DGKH: variants seen among roughly 807,000 people sequenced by gnomAD.
DGKH encodes the protein diacylglycerol kinase eta, also known as DAG kinase eta.
A neutral mutation model predicts 159.3 loss-of-function variants in DGKH; 90 were observed. The observed-to-expected ratio is 0.57, with a 90% CI of 0.48 to 0.67. DGKH has a LOEUF of 0.67. Ranked by LOEUF, DGKH falls within the 30% of genes least tolerant of loss-of-function variation. The pLI, the probability that DGKH is intolerant of heterozygous loss-of-function variation, is 0.00. For synonymous variants in DGKH, 536 were observed against 553.8 expected (o/e 0.97, Z 0.45); for missense variants, 1,181 against 1,506.1 (o/e 0.78, Z 3.57).
intron 3 of DGKH, among the ~76,000 whole-genome samples, chr13:42,141,043 C>A (rs1955542563): frequency 3.8e-4 from 1 of 2,608 alleles, no homozygotes; most frequent in African/African-American, 6.1e-4. Context: ...TAATGCTATC[C>A]CTCCCCCCTC....
At chr13:42,153,179 A>C (rs970467665) in intron 3 of DGKH, among the ~76,000 whole-genome samples, 5 of 152,244 alleles carry the variant, frequency 3.3e-5, no homozygotes, top group Non-Finnish European at 7.3e-5. Flanking sequence ...AGTAGTATAT[A>C]AGTACACATG....
intron 17 of DGKH, 85 bp from the exon 18 acceptor site, chr13:42,198,393 T>C (rs1594191085): frequency 2.6e-6 from 3 of 1,137,324 alleles, no homozygotes; most frequent in East Asian, 4.8e-5. Flanking sequence ...AAAAGTAAGA[T>C]ATTTGATATC....
rs57531279 is a variant in DGKH, at chr13:42,159,244, C to CTT, written c.623-4_623-3dup. On this transcript the variant is annotated intron_variant, in intron 5 of 29. Transcript: ENST00000337343. ...TCTTGTCCACTTAAAAGCAGTTGCT[C>CTT]TTTTTTTTTTTTTTTTTTTAGTGTG... 1,358 of 215,258 alleles carry CTT rather than the reference C, an allele frequency of 6.3e-3. 23 individuals are homozygous for CTT. Among genetic ancestry groups the CTT allele is most frequent in the Middle Eastern group, 0.01 (7 of 668 alleles). The allele number at this position is 215,258 out of a possible 1,614,324, so 13.3% of individuals were successfully genotyped here. A position where few individuals can be genotyped will look rare whatever the true frequency, so the allele number is the denominator to read the frequency against.
chr13:42,160,269 A>G (rs1397907386), intron 7 of DGKH, 133 bp downstream of exon 7: 11 of 1,241,520 alleles, frequency 8.9e-6, no homozygotes, highest in Non-Finnish European at 1.3e-5. Context: ...TCATGATGAC[A>G]TTCTTCTTTC....
chr13:42,047,930 A>C (rs1304022542), upstream of DGKH, among the ~76,000 whole-genome samples: 1 of 151,764 alleles, frequency 6.6e-6, no homozygotes, highest in African/African-American at 2.4e-5. Context: ...GTTTCCTGTT[A>C]GCCGAAGGGG....
At chr13:42,222,956 A>ATC (rs1245622346) in intron 29 of DGKH, among the ~76,000 whole-genome samples, 1 of 152,188 alleles carries the variant, frequency 6.6e-6, no homozygotes, top group African/African-American at 2.4e-5. Flanking sequence ...ATGGTTAAGA[A>ATC]TTATCTTAGA....
At position 42,209,456 on chromosome 13, in the gene DGKH, A is replaced by C; in HGVS notation, c.2841A>C (p.Thr947=). The C allele has an allele frequency of 1.9e-6, 3 of 1,610,782 alleles. No individual in the cohort carries two copies. The highest frequency in any genetic ancestry group is 2.5e-6 in the Non-Finnish European group (3 of 1,178,982). Residue 947 remains threonine (T), a synonymous_variant, in exon 23 of 30, where the codon ACA becomes ACC. Transcript: ENST00000337343. The stretch of plus-strand genomic sequence containing the variant: ...ACAAAAACAGAGCACAAATGCTAAC[A>C]AGGGACAGAGTATGTAACAAAAACA... ...IVHKNRAQML[T]RDRAFESTLK... is the part of the protein sequence containing the mutation.
intron 1 of DGKH, among the ~76,000 whole-genome samples, chr13:42,119,810 C>G (rs1020007001): frequency 2.0e-5 from 3 of 152,018 alleles, no homozygotes; most frequent in Non-Finnish European, 2.9e-5. Context: ...ACTTCATATT[C>G]CTTTCTCATC....
intron 1 of DGKH, among the ~76,000 whole-genome samples, chr13:42,113,257 A>G (rs1432709393): frequency 6.6e-6 from 1 of 152,244 alleles, no homozygotes; most frequent in Non-Finnish European, 1.5e-5. Flanking sequence ...AAAGTGCTGA[A>G]TTATACCTTT....
chr13:42,045,365 C>T (rs148356068), upstream of DGKH, among the ~76,000 whole-genome samples: 41 of 152,164 alleles, frequency 2.7e-4, no homozygotes, highest in East Asian at 6.4e-3. Flanking sequence ...TACTAGTTAG[C>T]GCTGATAAAA....
chr13:42,182,225 T>C (rs1393563396), intron 13 of DGKH, among the ~76,000 whole-genome samples: 4 of 152,252 alleles, frequency 2.6e-5, no homozygotes, highest in Non-Finnish European at 4.4e-5. Context: ...TCAGCATCTC[T>C]AAATTTTATT....
rs1447961966 is a variant in DGKH, at chr13:42,109,395, A to T, written c.193-18068A>T. Among the ~76,000 whole-genome samples the T allele has an allele frequency of 2.0e-5, 3 of 152,310 alleles. No individual in the cohort carries two copies. The East Asian group carries it at 5.8e-4, about 29-fold the overall frequency. On this transcript the variant is annotated intron_variant, in intron 1 of 29. Transcript: ENST00000337343. ...TAGTCAGCCGTGGAGCCAAGGTTTGAACCCAGGCCGTACCTCTGCACCTCT... is the reference window on the plus strand; with the variant it reads ...TAGTCAGCCGTGGAGCCAAGGTTTGTACCCAGGCCGTACCTCTGCACCTCT...
intron 1 of DGKH, among the ~76,000 whole-genome samples, chr13:42,124,986 G>T (rs1955142563): frequency 6.6e-6 from 1 of 152,044 alleles, no homozygotes; most frequent in Non-Finnish European, 1.5e-5. Flanking sequence ...AGCTATAATT[G>T]GTTTAGATGT....
chr13:42,223,092 A>T (rs1298643318), intron 29 of DGKH, among the ~76,000 whole-genome samples: 1 of 152,214 alleles, frequency 6.6e-6, no homozygotes, highest in Non-Finnish European at 1.5e-5. Context: ...AAATTGTATT[A>T]GGTCTGAAAC....
intron 1 of DGKH, among the ~76,000 whole-genome samples, chr13:42,089,007 A>G (rs892737188): frequency 6.6e-6 from 1 of 152,220 alleles, no homozygotes; most frequent in Non-Finnish European, 1.5e-5. Context: ...AACAAGAACC[A>G]TTACTAGGGA....
At chr13:42,196,254 A>C (rs144862146) in intron 17 of DGKH, among the ~76,000 whole-genome samples, 85 of 152,340 alleles carry the variant, frequency 5.6e-4, no homozygotes, top group Admixed American at 1.8e-3. Context: ...TTCCCCAAAA[A>C]GTTAAACATA....
chr13:42,088,081 C>T (rs1435393759), intron 1 of DGKH, among the ~76,000 whole-genome samples: 1 of 152,066 alleles, frequency 6.6e-6, no homozygotes, highest in Admixed American at 6.6e-5. Context: ...GATTTCTCAA[C>T]AGAAACTATG....
rs775224690 is a variant in DGKH at position 42,210,590 on chromosome 13, G to A, written c.2851-12G>A. 6.2e-7 allele frequency: 1 copy of A among 1,609,342 alleles called. No individual in the cohort carries two copies. Among genetic ancestry groups the A allele is most frequent in the Non-Finnish European group, 8.5e-7 (1 of 1,178,634 alleles). ...TAAACTAACAATTCGTTACAATATT[G>A]ACTTTAAATAGGCCTTTGAGAGCAC... On this transcript the variant is annotated splice_polypyrimidine_tract_variant and intron_variant, in intron 23 of 29. Transcript: ENST00000337343.
Position 42,122,783 on chromosome 13 carries a change from G to A in DGKH, c.193-4680G>A, listed in dbSNP as rs547353918. 3.9e-5 allele frequency among the ~76,000 whole-genome samples: 6 copies of A among 152,256 alleles called. No homozygotes were observed. In the South Asian group the frequency reaches 1.2e-3, roughly 32 times the overall value. On this transcript the variant is annotated intron_variant, in intron 1 of 29. Coordinates refer to ENST00000337343, the MANE Select transcript of DGKH (RefSeq NM_178009.5). ...TATCTTGTCATTGCATATGATGTGT[G>A]CACATATTTTGAAACATGGATCAAG...
Sources: gnomAD v4.1 joint callset for allele counts (sites outside exome capture counted in the v4.1 genomes callset) on GRCh38, gnomAD v4.1.1 for gene constraint, MANE v1.5 for transcripts, NCBI Gene and HGNC (gene_info 2026-07-23, HGNC 2026-07-21) for gene names.